The following DARS2 variants were observed in gnomAD, a reference collection of about 807,000 sequenced individuals.
The protein encoded by DARS2 is aspartyl-tRNA synthetase 2, mitochondrial, also known as aspartate--tRNA ligase, mitochondrial.
DARS2 carries 63 observed loss-of-function variants against 83.0 expected under a neutral mutation model. That is an observed-to-expected ratio of 0.76 (90% CI 0.62 to 0.94). The LOEUF is 0.94. DARS2 is among the 40% of genes least tolerant of loss of function. DARS2 has a pLI of 0.00. For missense variants in DARS2, 675 were observed against 774.4 expected, an observed-to-expected ratio of 0.87 and a Z score of 1.52; for synonymous variants, 250 against 269.3, an observed-to-expected ratio of 0.93 and a Z score of 0.70.
chr1:173,852,171 A>G, intron 13 of DARS2: 1 of 985,418 alleles, frequency 1.0e-6, no homozygotes, highest in Non-Finnish European at 1.2e-6. Context: ...TGTAAGATAG[A>G]ATGGGCTGCA....
At chr1:173,833,685 C>T (rs1050701986) in intron 6 of DARS2, among the ~76,000 whole-genome samples, 186 bp downstream of exon 6, 3 of 152,038 alleles carry the variant, frequency 2.0e-5, no homozygotes, top group Non-Finnish European at 4.4e-5. Context: ...AGATGATAGT[C>T]GCTATTACAT....
intron 1 of DARS2, among the ~76,000 whole-genome samples, chr1:173,826,179 G>T (rs773772522): frequency 1.1e-4 from 16 of 150,956 alleles, no homozygotes; most frequent in Non-Finnish European, 1.9e-4. Context: ...AGCCGAGATC[G>T]CGCCACTGCA....
chr1:173,826,725 G>A lies in DARS2; in HGVS notation c.166G>A (p.Glu56Lys), dbSNP rs1652593448. ...SFVVRTNTCGELRSSHLGQEV... is the reference protein window; with the variant it reads ...SFVVRTNTCGKLRSSHLGQEV... Reference sequence around the variant, plus strand: ...TGTTGTCCGGACCAACACATGTGGAGAGTTGCGTTCGTCTCACTTAGGCCA... The same window carrying A: ...TGTTGTCCGGACCAACACATGTGGAAAGTTGCGTTCGTCTCACTTAGGCCA... Residue 56 changes from glutamate to lysine, a missense_variant, in exon 2 of 17, where the codon GAG becomes AAG. Transcript: ENST00000649689. The A allele has an allele frequency of 2.5e-6, 4 of 1,611,978 alleles. No homozygotes were observed. The East Asian group carries it at 6.7e-5, about 27-fold the overall frequency.
chr1:173,845,002 C>T (rs1446166634), intron 11 of DARS2, among the ~76,000 whole-genome samples: 1 of 151,788 alleles, frequency 6.6e-6, no homozygotes, highest in Non-Finnish European at 1.5e-5. Flanking sequence ...CCATGTTGGT[C>T]GGGCTGGTTT....
intron 8 of DARS2, 87 bp downstream of exon 8, chr1:173,837,133 C>T (rs958661879): frequency 1.7e-6 from 2 of 1,185,722 alleles, no homozygotes; most frequent in African/African-American, 3.0e-5. Context: ...TCTCTGTTCT[C>T]AAGAGAAGGA....
Position 173,846,338 on chromosome 1 carries a change from A to T in DARS2, c.1191+1047A>T, listed in dbSNP as rs1431084563. 4.6e-5 allele frequency among the ~76,000 whole-genome samples: 7 copies of T among 152,076 alleles called. No homozygotes were observed. In the East Asian group the frequency reaches 1.4e-3, roughly 29 times the overall value. On this transcript the variant is annotated intron_variant, in intron 12 of 16. Coordinates refer to ENST00000649689, the MANE Select transcript of DARS2 (RefSeq NM_018122.5). Reference sequence around the variant, plus strand: ...AGAGCAAGACTCAGTCTCTAAATAAATAAATATTAGCTGGGCATAGTGGCA... The same window carrying T: ...AGAGCAAGACTCAGTCTCTAAATAATTAAATATTAGCTGGGCATAGTGGCA...
chr1:173,857,924 T>C lies in DARS2; in HGVS notation c.*219T>C. 1.8e-6 allele frequency: 1 copy of C among 564,880 alleles called. No homozygotes were observed. Among genetic ancestry groups the C allele is most frequent in the Non-Finnish European group, 3.1e-6 (1 of 317,538 alleles). The allele number at this position is 564,880 out of a possible 1,614,324, so 35.0% of individuals were successfully genotyped here. ...TTTGGATTTTTTTTGGTTAGGACTT[T>C]TTTTGAAGTTCCTTTTTACTTAGGT... On this transcript the variant is annotated 3_prime_UTR_variant, in exon 17 of 17. Coordinates refer to ENST00000649689, the MANE Select transcript of DARS2 (RefSeq NM_018122.5).
At chr1:173,832,933 G>C (rs906456286) in intron 5 of DARS2, among the ~76,000 whole-genome samples, 1 of 152,018 alleles carries the variant, frequency 6.6e-6, no homozygotes, top group Non-Finnish European at 1.5e-5. Context: ...ATGGGGTCTT[G>C]CTATATTGCC....
Position 173,850,592 on chromosome 1 carries a change from G to T in DARS2, c.1344+113G>T, listed in dbSNP as rs117984619. On this transcript the variant is annotated intron_variant, in intron 13 of 16. Coordinates refer to ENST00000649689, the MANE Select transcript of DARS2 (RefSeq NM_018122.5). ...GACTGTTAATTCATAAAATGGAGCT[G>T]CTCTGCATAAATCTTTTTTTTTTTT... 6.0e-4 allele frequency: 685 copies of T among 1,135,976 alleles called. 8 individuals are homozygous for T. In the East Asian group the frequency reaches 0.016, roughly 26 times the overall value. 70.4% of individuals were successfully genotyped at this position (1,135,976 alleles called of 1,614,324 possible).
chr1:173,830,691 A>G lies in DARS2; in HGVS notation c.326A>G (p.Glu109Gly), dbSNP rs1014797743. 1.9e-6 allele frequency: 3 copies of G among 1,613,900 alleles called. No homozygotes were observed. The Admixed American group carries it at 5.0e-5, about 27-fold the overall frequency. Reference sequence around the variant, plus strand: ...GCCTCTGTGAAGAAGATTTTATGTGAAGCCCCTGTGGAATCTGTGGTGCAA... The same window carrying G: ...GCCTCTGTGAAGAAGATTTTATGTGGAGCCCCTGTGGAATCTGTGGTGCAA... ...SAASVKKILC[E>G]APVESVVQVS... The change falls in exon 4 of 17, where the codon GAA becomes GGA. Residue 109 changes from glutamate to glycine, a missense_variant. Physicochemically the swap from Glu to Gly is moderately conservative, Grantham distance 98. Transcript: ENST00000649689.
intron 13 of DARS2, among the ~76,000 whole-genome samples, chr1:173,852,495 AT>A (rs1224893160): frequency 2.0e-5 from 3 of 150,682 alleles, no homozygotes; most frequent in African/African-American, 7.3e-5. Flanking sequence ...TCACACTCTT[AT>A]TTTTTTTTAT....
intron 1 of DARS2, 109 bp downstream of exon 1, chr1:173,825,465 A>C (rs1266065680): frequency 1.5e-6 from 1 of 661,210 alleles, no homozygotes; most frequent in Non-Finnish European, 2.1e-6. Context: ...TATTATTATT[A>C]TTATTATTAT....
At chr1:173,840,216 G>A (rs539395975) in intron 10 of DARS2, among the ~76,000 whole-genome samples, 49 of 152,156 alleles carry the variant, frequency 3.2e-4, no homozygotes, top group African/African-American at 8.2e-4. Context: ...TTGTTTCTTC[G>A]TTTGTAATAT....
chr1:173,833,365 A>G lies in DARS2; in HGVS notation c.493-11A>G. The G allele has an allele frequency of 6.4e-7, 1 of 1,560,702 alleles. No homozygotes were observed. The highest frequency in any genetic ancestry group is 8.7e-7 in the Non-Finnish European group (1 of 1,153,744). The stretch of plus-strand genomic sequence containing the variant: ...AAATATTTAAATATAAAAATCTTTC[A>G]ATTTCTTTAGAAAACAGAGGCTCTT... On this transcript the variant is annotated splice_polypyrimidine_tract_variant and intron_variant, in intron 5 of 16. Coordinates refer to ENST00000649689, the MANE Select transcript of DARS2 (RefSeq NM_018122.5).
chr1:173,829,816 A>G (rs1366722444), intron 3 of DARS2, among the ~76,000 whole-genome samples: 1 of 152,066 alleles, frequency 6.6e-6, no homozygotes, highest in Non-Finnish European at 1.5e-5. Flanking sequence ...GGCTGAGGCA[A>G]AAGAATCACT....
At chr1:173,852,470 G>T (rs986112775) in intron 13 of DARS2, 1 of 155,748 alleles carries the variant, frequency 6.4e-6, no homozygotes, top group Non-Finnish European at 1.4e-5. Context: ...AACCCATGAA[G>T]TTGGGTTCCA....
intron 11 of DARS2, among the ~76,000 whole-genome samples, chr1:173,841,238 G>A (rs763405358): frequency 3.3e-5 from 5 of 152,022 alleles, no homozygotes; most frequent in Non-Finnish European, 5.9e-5. Flanking sequence ...TTAGTCAGGC[G>A]TGGTGGCATG....
intron 13 of DARS2, chr1:173,852,262 A>AG: frequency 1.0e-6 from 1 of 982,056 alleles, no homozygotes. Flanking sequence ...TGCATACCAT[A>AG]GGTAGCACTT....
At chr1:173,840,291 T>G (rs1653156182) in intron 10 of DARS2, among the ~76,000 whole-genome samples, 1 of 152,204 alleles carries the variant, frequency 6.6e-6, no homozygotes, top group Non-Finnish European at 1.5e-5. Flanking sequence ...CAGGCTGGAG[T>G]GCAGTGGTAA....
Sources: gnomAD v4.1 joint callset for allele counts (sites outside exome capture counted in the v4.1 genomes callset) on GRCh38, gnomAD v4.1.1 for gene constraint, MANE v1.5 for transcripts, NCBI Gene and HGNC (gene_info 2026-07-23, HGNC 2026-07-21) for gene names.